The following R3HCC1L variants were observed in gnomAD, a reference collection of about 807,000 sequenced individuals.
R3HCC1L encodes R3H domain and coiled-coil containing 1 like, also known as coiled-coil domain-containing protein R3HCC1L.
Under a neutral mutation model 59.9 loss-of-function variants are expected in R3HCC1L, and 51 were observed. That is an observed-to-expected ratio of 0.85 (90% CI 0.68 to 1.07). The LOEUF (loss-of-function observed/expected upper bound fraction) is 1.07. Among genes scored for constraint, R3HCC1L ranks in the 50% least tolerant of loss-of-function variants. The pLI, the probability that R3HCC1L is intolerant of heterozygous loss-of-function variation, is 0.00. For missense variants in R3HCC1L, 965 were observed against 933.0 expected, an observed-to-expected ratio of 1.03 and a Z score of -0.45; for synonymous variants, 322 against 315.2, an observed-to-expected ratio of 1.02 and a Z score of -0.23.
At chr10:98,194,924 TA>T (rs1161775433) in intron 4 of R3HCC1L, among the ~76,000 whole-genome samples, 1 of 152,068 alleles carries the variant, frequency 6.6e-6, no homozygotes, top group Admixed American at 6.6e-5. Context: ...TTCCTAAAAC[TA>T]AAAATAGAAC....
At chr10:98,215,257 G>A (rs997071210) in intron 5 of R3HCC1L, among the ~76,000 whole-genome samples, 1 of 152,090 alleles carries the variant, frequency 6.6e-6, no homozygotes, top group African/African-American at 2.4e-5. Context: ...AAAAAAAAGA[G>A]TATTCTATTT....
intron 5 of R3HCC1L, among the ~76,000 whole-genome samples, chr10:98,222,140 A>T (rs1284055451): frequency 6.6e-6 from 1 of 152,194 alleles, no homozygotes; most frequent in African/African-American, 2.4e-5. Context: ...TTTTTGAAGC[A>T]ATTGTGAGTG....
At position 98,188,275 on chromosome 10, in the gene R3HCC1L, T is replaced by TA. The variant is rs571893943; in HGVS notation, c.-14-19825dup. 4.1e-4 allele frequency among the ~76,000 whole-genome samples: 62 copies of TA among 152,298 alleles called. No homozygotes were observed. In the East Asian group the frequency reaches 7.9e-3, roughly 19 times the overall value. ...TTTCTTGCTTTCAAGGAGTTGTAGG[T>TA]ATGATTGTTAGTCAGACAAGCTTAC... is the stretch of plus-strand genomic sequence containing the variant. On this transcript the variant is annotated intron_variant, in intron 4 of 9. Transcript: ENST00000298999.
chr10:98,225,107 C>A (rs1009496042), intron 5 of R3HCC1L, among the ~76,000 whole-genome samples: 6 of 152,056 alleles, frequency 3.9e-5, no homozygotes, highest in Non-Finnish European at 7.4e-5. Context: ...TTTATACTTA[C>A]AGCATATCTC....
At chr10:98,161,189 G>A (rs1377478803) in intron 2 of R3HCC1L, among the ~76,000 whole-genome samples, 3 of 152,196 alleles carry the variant, frequency 2.0e-5, no homozygotes, top group Non-Finnish European at 4.4e-5. Flanking sequence ...TCATCAGAGT[G>A]TGTTGGCATA....
chr10:98,228,404 T>C (rs906861450), intron 5 of R3HCC1L, among the ~76,000 whole-genome samples: 11 of 152,258 alleles, frequency 7.2e-5, no homozygotes, highest in Non-Finnish European at 4.4e-5. Context: ...TCTGTTCATA[T>C]CCTTCGCCCA....
chr10:98,174,324 T>C (rs1454813712), intron 4 of R3HCC1L: 1 of 277,256 alleles, frequency 3.6e-6, no homozygotes, highest in African/African-American at 2.3e-5. Flanking sequence ...GTTGCCTCCG[T>C]TTCTCAAAGT....
At chr10:98,195,704 C>T (rs1317264513) in intron 4 of R3HCC1L, among the ~76,000 whole-genome samples, 3 of 152,120 alleles carry the variant, frequency 2.0e-5, no homozygotes, top group African/African-American at 7.2e-5. Flanking sequence ...TTGTTAAACC[C>T]CGTCTTTTTT....
chr10:98,151,956 T>C (rs1346526766), intron 1 of R3HCC1L, among the ~76,000 whole-genome samples: 2 of 151,962 alleles, frequency 1.3e-5, no homozygotes, highest in Non-Finnish European at 2.9e-5. Flanking sequence ...TCCCTCTCTT[T>C]CCACGGTCTC....
chr10:98,168,801 T>C (rs1242552275), intron 4 of R3HCC1L, among the ~76,000 whole-genome samples: 1 of 152,220 alleles, frequency 6.6e-6, no homozygotes, highest in Non-Finnish European at 1.5e-5. Flanking sequence ...ACATTCTACT[T>C]TGAGCTTCTG....
chr10:98,151,815 T>C (rs924283861), intron 1 of R3HCC1L, among the ~76,000 whole-genome samples: 2 of 152,156 alleles, frequency 1.3e-5, no homozygotes, highest in Non-Finnish European at 2.9e-5. Flanking sequence ...GTAGAGGTTA[T>C]ATGAATTGGG....
At chr10:98,227,238 T>G (rs1027392785) in intron 5 of R3HCC1L, among the ~76,000 whole-genome samples, 1 of 152,206 alleles carries the variant, frequency 6.6e-6, no homozygotes, top group Non-Finnish European at 1.5e-5. Context: ...ATAGGTACTG[T>G]TATTATTCCC....
rs1168804300 is a variant in R3HCC1L, at chr10:98,221,225, TG to T, written c.1786-10286del. On this transcript the variant is annotated intron_variant, in intron 5 of 9. Coordinates refer to ENST00000298999, the MANE Select transcript of R3HCC1L (RefSeq NM_001351015.2). ...TCCTTCGCCCACTTGTTGATGGGGT[TG>T]TTTGTTTTTTTCTTGTAAATTTGTT... Among the ~76,000 whole-genome samples, 276 of 152,050 alleles carry T rather than the reference TG, an allele frequency of 1.8e-3. 3 individuals carry two copies. The highest frequency in any genetic ancestry group is 2.7e-3 in the Non-Finnish European group (181 of 67,838).
chr10:98,184,849 C>A (rs528815066), intron 4 of R3HCC1L, among the ~76,000 whole-genome samples: 1 of 152,112 alleles, frequency 6.6e-6, no homozygotes, highest in African/African-American at 2.4e-5. Context: ...GTAGTAATTA[C>A]AAAATTTTTT....
At chr10:98,184,608 G>A (rs903089490) in intron 4 of R3HCC1L, among the ~76,000 whole-genome samples, 1 of 152,160 alleles carries the variant, frequency 6.6e-6, no homozygotes, top group African/African-American at 2.4e-5. Flanking sequence ...CTGTCATTAC[G>A]TGACACATGA....
At chr10:98,191,031 A>G (rs1850782305) in intron 4 of R3HCC1L, among the ~76,000 whole-genome samples, 1 of 152,126 alleles carries the variant, frequency 6.6e-6, no homozygotes, top group Admixed American at 6.5e-5. Flanking sequence ...TATGTGCCAC[A>G]TGTCCTTAAT....
intron 4 of R3HCC1L, among the ~76,000 whole-genome samples, chr10:98,165,691 A>G (rs769455690): frequency 2.0e-5 from 3 of 152,256 alleles, no homozygotes; most frequent in Non-Finnish European, 4.4e-5. Flanking sequence ...TATACAAAGT[A>G]AATAGCTTTG....
chr10:98,239,568 T>G (rs542981758), intron 9 of R3HCC1L, among the ~76,000 whole-genome samples: 55 of 152,364 alleles, frequency 3.6e-4, no homozygotes, highest in Non-Finnish European at 7.3e-4. Flanking sequence ...ATCTTGACTC[T>G]ACTCTGAATG....
chr10:98,158,425 A>G (rs549043468), intron 2 of R3HCC1L, among the ~76,000 whole-genome samples: 7 of 152,324 alleles, frequency 4.6e-5, no homozygotes, highest in African/African-American at 7.2e-5. Context: ...TTATGTTGAC[A>G]TTATTTCAGA....
Sources: gnomAD v4.1 joint callset for allele counts (sites outside exome capture counted in the v4.1 genomes callset) on GRCh38, gnomAD v4.1.1 for gene constraint, MANE v1.5 for transcripts, NCBI Gene and HGNC (gene_info 2026-07-23, HGNC 2026-07-21) for gene names.